The following SAMD8 variants were observed in gnomAD, a reference collection of about 807,000 sequenced individuals.
The protein encoded by SAMD8 is sphingomyelin synthase-related protein 1.
SAMD8 carries 20 observed loss-of-function variants against 42.0 expected under a neutral mutation model. That is an observed-to-expected ratio of 0.48 (90% confidence interval 0.34 to 0.69). The LOEUF (loss-of-function observed/expected upper bound fraction) is 0.69, where lower values mean the gene tolerates loss of function less well. SAMD8 is among the 30% of genes least tolerant of loss of function. The probability of loss-of-function intolerance (pLI) is 0.01; values close to 1 mark genes in which losing one functional copy is unlikely to be tolerated. For synonymous variants in SAMD8, 162 were observed against 173.0 expected (o/e 0.94, Z 0.50); for missense variants, 328 against 511.6 (o/e 0.64, Z 3.46).
rs530043259 is a variant in SAMD8, at chr10:75,159,063, C to CTTTTTTTTTTTTT, written c.579-5581_579-5569dup. On this transcript the variant is annotated intron_variant, in intron 2 of 5. Coordinates refer to ENST00000542569, the MANE Select transcript of SAMD8 (RefSeq NM_001174156.2). Reference sequence around the variant, plus strand: ...TGTAGACAAATTTTTTTTTCTTTTTCTTTTTTTTTTTTTGAGACAGAGTCT... The same window carrying CTTTTTTTTTTTTT: ...TGTAGACAAATTTTTTTTTCTTTTTCTTTTTTTTTTTTTTTTTTTTTTTTTTGAGACAGAGTCT... Among the ~76,000 whole-genome samples, 390 of 133,384 alleles carry CTTTTTTTTTTTTT rather than the reference C, an allele frequency of 2.9e-3. 4 individuals are homozygous for CTTTTTTTTTTTTT. The highest frequency in any genetic ancestry group is 6.4e-3 in the African/African-American group (219 of 34,414). 87.5% of individuals were successfully genotyped at this position (133,384 alleles called of 152,430 possible).
intron 2 of SAMD8, among the ~76,000 whole-genome samples, chr10:75,162,632 C>T (rs975150760): frequency 2.4e-5 from 3 of 125,988 alleles, no homozygotes; most frequent in South Asian, 2.5e-4. Flanking sequence ...CTGGGGAACA[C>T]GAGTGAAACT....
intron 1 of SAMD8, among the ~76,000 whole-genome samples, chr10:75,127,892 G>A (rs1305117442): frequency 6.6e-6 from 1 of 152,202 alleles, no homozygotes; most frequent in East Asian, 1.9e-4. Context: ...TATTTTATTT[G>A]TTCTGGTTGA....
upstream of SAMD8, chr10:75,109,125 TC>T: frequency 1.2e-6 from 2 of 1,605,262 alleles, no homozygotes; most frequent in South Asian, 1.1e-5. Context: ...CTTTGTCCTC[TC>T]CCCCCAGCTC....
intron 1 of SAMD8, among the ~76,000 whole-genome samples, chr10:75,139,646 T>G (rs1839973163): frequency 6.6e-6 from 1 of 152,228 alleles, no homozygotes; most frequent in South Asian, 2.1e-4. Context: ...TAAGGAGTGA[T>G]CCTTTAGGGA....
chr10:75,101,222 G>A (rs896861198), intron 1 of SAMD8, among the ~76,000 whole-genome samples: 1 of 152,172 alleles, frequency 6.6e-6, no homozygotes. Flanking sequence ...CAGCTATGTG[G>A]TCTTGTCTTC....
At chr10:75,135,214 A>C (rs553011348) in intron 1 of SAMD8, among the ~76,000 whole-genome samples, 1 of 152,254 alleles carries the variant, frequency 6.6e-6, no homozygotes, top group South Asian at 2.1e-4. Context: ...GCACTTTGGG[A>C]GGCCGAGGCG....
At chr10:75,170,770 G>GT (rs34290557) in intron 4 of SAMD8, among the ~76,000 whole-genome samples, 11,178 of 105,206 alleles carry the variant, frequency 0.11, 660 homozygotes, top group South Asian at 0.32. Flanking sequence ...GTTTTTTTGG[G>GT]TTTTTTTTTT....
At chr10:75,135,057 T>C (rs1849358840) in intron 1 of SAMD8, among the ~76,000 whole-genome samples, 1 of 151,610 alleles carries the variant, frequency 6.6e-6, no homozygotes, top group South Asian at 2.1e-4. Context: ...CAAGACCCTG[T>C]CTCTAGAAAA....
At position 75,176,193 on chromosome 10, in the gene SAMD8, T is replaced by C; in HGVS notation, c.920T>C (p.Met307Thr). The C allele has an allele frequency of 6.2e-7, 1 of 1,614,232 alleles. No homozygotes were observed. The highest frequency in any genetic ancestry group is 1.1e-5 in the South Asian group (1 of 91,090). The part of the protein sequence containing the change: ...MFSGHTVVLT[M>T]LNFFVTEYTP... Reference sequence around the variant, plus strand: ...AGTGGCCACACAGTCGTCCTAACTATGCTGAATTTCTTTGTCACCGAATGT... The same window carrying C: ...AGTGGCCACACAGTCGTCCTAACTACGCTGAATTTCTTTGTCACCGAATGT... Residue 307 changes from methionine (M) to threonine (T), a missense_variant, in exon 5 of 6, where the codon ATG (methionine) becomes ACG (threonine). This residue lies in a region of SAMD8 where 178 missense variants were observed against 325.6 expected (regional missense o/e 0.55). Transcript: ENST00000542569. The surrounding 1 kb of genome is among the most constrained non-coding windows in gnomAD (Gnocchi z 4.3).
At chr10:75,152,489 T>C (rs1170602163) in intron 2 of SAMD8, among the ~76,000 whole-genome samples, 1 of 131,318 alleles carries the variant, frequency 7.6e-6, no homozygotes, top group Non-Finnish European at 1.5e-5. Flanking sequence ...GCCACTGCAC[T>C]CCAGCCTAGG....
chr10:75,109,278 G>A (rs1424081022), upstream of SAMD8: 2 of 1,210,020 alleles, frequency 1.7e-6, no homozygotes, highest in African/African-American at 3.1e-5. Flanking sequence ...GCAAGTCACA[G>A]GGGCCTCTGG....
Position 75,116,187 on chromosome 10 carries a change from C to T in SAMD8, c.-16+4465C>T, listed in dbSNP as rs188678987. On this transcript the variant is annotated intron_variant, in intron 1 of 5. Coordinates refer to ENST00000542569, the MANE Select transcript of SAMD8 (RefSeq NM_001174156.2). Reference sequence around the variant, plus strand: ...CGATCATGGCTTATGCAGCCTTGAACTCCTGGGCTCAAGCAGTCCTCCTGC... The same window carrying T: ...CGATCATGGCTTATGCAGCCTTGAATTCCTGGGCTCAAGCAGTCCTCCTGC... Among the ~76,000 whole-genome samples, 1,096 of 151,990 alleles carry T rather than the reference C, an allele frequency of 7.2e-3. 11 individuals are homozygous for T. Among genetic ancestry groups the T allele is most frequent in the African/African-American group, 0.024 (989 of 41,448 alleles).
At chr10:75,101,296 C>T (rs929208573) in intron 1 of SAMD8, among the ~76,000 whole-genome samples, 2 of 152,178 alleles carry the variant, frequency 1.3e-5, no homozygotes, top group Non-Finnish European at 2.9e-5. Flanking sequence ...TGTAAAGCAC[C>T]TCCCACAGGG....
At chr10:75,159,515 C>T (rs11001309) in intron 2 of SAMD8, among the ~76,000 whole-genome samples, 13,634 of 152,030 alleles carry the variant, frequency 0.09, 768 homozygotes, top group East Asian at 0.22. Flanking sequence ...CTTCTATATC[C>T]CCTCAGATCC....
rs965553800 is a variant in SAMD8 at position 75,099,733 on chromosome 10, G to C, written c.-16+5G>C. 41 of 287,506 alleles carry C rather than the reference G, an allele frequency of 1.4e-4. No homozygotes were observed. In the East Asian group the frequency reaches 2.8e-3, roughly 19 times the overall value. The allele number at this position is 287,506 out of a possible 1,614,324, so 17.8% of individuals were successfully genotyped here. On this transcript the variant is annotated splice_donor_5th_base_variant and intron_variant, in intron 1 of 3. Transcript: ENST00000447533. Reference sequence around the variant, plus strand: ...GATGGGAGTCTACCTGAAGAGGTGGGAAGAGAACTTCTGAGGCAGGGAGGA... The same window carrying C: ...GATGGGAGTCTACCTGAAGAGGTGGCAAGAGAACTTCTGAGGCAGGGAGGA...
At chr10:75,143,966 CTTTTTT>C (rs536028273) in intron 1 of SAMD8, among the ~76,000 whole-genome samples, 7 of 135,010 alleles carry the variant, frequency 5.2e-5, no homozygotes, top group Non-Finnish European at 9.7e-5. Context: ...ATAATTTAAA[CTTTTTT>C]TTTTTTTTTT....
chr10:75,112,531 A>T (rs2134411362), intron 1 of SAMD8, among the ~76,000 whole-genome samples: 1 of 152,282 alleles, frequency 6.6e-6, no homozygotes, highest in South Asian at 2.1e-4. Flanking sequence ...TGCCTAAAGG[A>T]CTGGGGGAAG....
At position 75,135,782 on chromosome 10, in the gene SAMD8, C is replaced by T. The variant is rs1203412735; in HGVS notation, c.-15-14732C>T. On this transcript the variant is annotated intron_variant, in intron 1 of 5. Coordinates refer to ENST00000542569, the MANE Select transcript of SAMD8 (RefSeq NM_001174156.2). ...CAGAGCTTGCAGTGAGCTGAGATCG[C>T]GCCACTACACTTCAGCCTGGGCGAC... is the stretch of plus-strand genomic sequence containing the variant. 4.6e-5 allele frequency among the ~76,000 whole-genome samples: 7 copies of T among 151,172 alleles called. No individual in the cohort carries two copies. The East Asian group carries it at 9.7e-4, about 21-fold the overall frequency.
rs905288133 is a variant in SAMD8, at chr10:75,179,972, A to G, written c.*3280A>G. On this transcript the variant is annotated 3_prime_UTR_variant, in exon 6 of 6. Transcript: ENST00000542569. The stretch of plus-strand genomic sequence containing the variant: ...CTGGAGGTTATGTTACAAGTCTTCA[A>G]TGCATTTTCTGTGTTCCTGGCAGCA... 1.9e-4 allele frequency: 29 copies of G among 151,870 alleles called. No individual in the cohort carries two copies. Among genetic ancestry groups the G allele is most frequent in the African/African-American group, 6.5e-4 (27 of 41,380 alleles). The allele number at this position is 151,870 out of a possible 1,614,324, so 9.4% of individuals were successfully genotyped here.
Sources: gnomAD v4.1 joint callset for allele counts (sites outside exome capture counted in the v4.1 genomes callset) on GRCh38, gnomAD v4.1.1 for gene constraint, gnomAD v4.1.1 regional missense constraint, Gnocchi (gnomAD v3.1) non-coding constraint, MANE v1.5 for transcripts, NCBI Gene and HGNC (gene_info 2026-07-23, HGNC 2026-07-21) for gene names.